Variants in PDCD11 observed in about 807,000 individuals in gnomAD.
PDCD11 encodes protein RRP5 homolog.
Under a neutral mutation model 198.9 loss-of-function variants are expected in PDCD11, and 97 were observed. The ratio of observed to expected loss-of-function variants is 0.49; its 90% CI spans 0.41 to 0.58. The LOEUF is 0.58. Ranked by LOEUF, PDCD11 falls within the 20% of genes least tolerant of loss-of-function variation. The probability of loss-of-function intolerance (pLI) is 0.00; values close to 1 mark genes in which losing one functional copy is unlikely to be tolerated. For missense variants in PDCD11, 2,102 were observed against 2,312.7 expected (o/e 0.91, Z 1.87); for synonymous variants, 893 against 918.0 (o/e 0.97, Z 0.49).
At chr10:103,406,861 C>A in intron 7 of PDCD11, 71 bp downstream of exon 7, 3 of 1,244,138 alleles carry the variant, frequency 2.4e-6, no homozygotes, top group Non-Finnish European at 3.3e-6. Context: ...TGCATAAAGT[C>A]TAAAACTACT....
Position 103,405,138 on chromosome 10 carries a change from A to C in PDCD11, c.519A>C (p.Lys173Asn). Reference sequence around the variant, plus strand: ...GTGTCAAGCTGTCTCTGAACCCCAAAAATGTCAACAGAGTGCTGAGTGCTG... The same window carrying C: ...GTGTCAAGCTGTCTCTGAACCCCAACAATGTCAACAGAGTGCTGAGTGCTG... ...KKSVKLSLNP[K>N]NVNRVLSAEA... is the part of the protein sequence containing the mutation. The change falls in exon 5 of 36, where the codon AAA becomes AAC. Residue 173 changes from lysine to asparagine, a missense_variant. Coordinates refer to ENST00000369797, the MANE Select transcript of PDCD11 (RefSeq NM_014976.2). 1 of 1,614,070 alleles carries C rather than the reference A, an allele frequency of 6.2e-7. No homozygotes were observed. The highest frequency in any genetic ancestry group is 8.5e-7 in the Non-Finnish European group (1 of 1,180,002).
chr10:103,434,376 CGGGGAA>C (rs2032062275), intron 24 of PDCD11, 26 bp downstream of exon 24: 1 of 1,432,590 alleles, frequency 7.0e-7, no homozygotes, highest in Admixed American at 1.7e-5. Context: ...AGTGCCTGGT[CGGGGAA>C]GGGGAGCGGC....
chr10:103,443,883 C>T, intron 33 of PDCD11, 32 bp from the exon 34 acceptor site: 2 of 1,608,868 alleles, frequency 1.2e-6, no homozygotes, highest in Non-Finnish European at 1.7e-6. Flanking sequence ...TAGTATCACA[C>T]TCTCCTCAGC....
rs1048621970 is a variant in PDCD11 at position 103,400,470 on chromosome 10, T to C, written c.176T>C (p.Ile59Thr). 7 of 1,613,480 alleles carry C rather than the reference T, an allele frequency of 4.3e-6. No homozygotes were observed. The African/African-American group carries it at 8.0e-5, about 18-fold the overall frequency. ...CCAGCAAAAACAAAAAAGTTGAAAA[T>C]CGAAAAGAGAGAAAGCAGCAAGTCC... ...KGPAKTKKLK[I>T]EKRESSKSAR... The change falls in exon 3 of 36, where the codon ATC (isoleucine) becomes ACC (threonine). Residue 59 changes from isoleucine to threonine, a missense_variant. Physicochemically the swap from Ile to Thr is moderately conservative, Grantham distance 89. Coordinates refer to ENST00000369797, the MANE Select transcript of PDCD11 (RefSeq NM_014976.2).
chr10:103,445,176 C>T (rs781648743), intron 35 of PDCD11, among the ~76,000 whole-genome samples: 4 of 152,164 alleles, frequency 2.6e-5, no homozygotes, highest in Non-Finnish European at 5.9e-5. Context: ...TCCATCTGCT[C>T]ATCTGGAAGA....
rs1344737252 is a variant in PDCD11, at chr10:103,421,368, GACCTCCACAAGTGACC to G, written c.2301_2316del (p.Ser768LeufsTer7). 7 of 1,608,702 alleles carry G rather than the reference GACCTCCACAAGTGACC, an allele frequency of 4.4e-6. No individual in the cohort carries two copies. The highest frequency in any genetic ancestry group is 5.9e-6 in the Non-Finnish European group (7 of 1,177,474). ...TTCAGATCATGAGTGACAAATTTGT[GACCTCCACAAGTGACC>G]ACTTTGTTGAGGGCCAGACAGTAGC... On this transcript the variant is annotated frameshift_variant, in exon 17 of 36. Coordinates refer to ENST00000369797, the MANE Select transcript of PDCD11 (RefSeq NM_014976.2). LOFTEE classifies it high-confidence loss of function.
chr10:103,434,980 G>A lies in PDCD11; in HGVS notation c.3845+5G>A. The A allele has an allele frequency of 5.3e-6, 8 of 1,523,566 alleles. No homozygotes were observed. Among genetic ancestry groups the A allele is most frequent in the Non-Finnish European group, 7.1e-6 (8 of 1,130,374 alleles). 94.4% of individuals were successfully genotyped at this position (1,523,566 alleles called of 1,614,324 possible). A position where few individuals can be genotyped will look rare whatever the true frequency, so the allele number is the denominator to read the frequency against. On this transcript the variant is annotated splice_donor_5th_base_variant and intron_variant, in intron 25 of 35. Transcript: ENST00000369797. ...CGTCCCCCAGAAGGTTGTCAGGTAA[G>A]CGAAGTGTTCTTCCTCTTTTCACCT...
At chr10:103,400,561 G>T in intron 3 of PDCD11, 33 bp downstream of exon 3, 1 of 1,588,260 alleles carries the variant, frequency 6.3e-7, no homozygotes, top group Non-Finnish European at 8.6e-7. Context: ...TTAAACAATC[G>T]ACCTTGGTTG....
In PDCD11 at chr10:103,421,382, A is replaced by C. The variant is rs1331798309; in HGVS notation, c.2312A>C (p.Asp771Ala). ...MSDKFVTSTS[D>A]HFVEGQTVAA... is the part of the protein sequence containing the mutation. ...GACAAATTTGTGACCTCCACAAGTG[A>C]CCACTTTGTTGAGGGCCAGACAGTA... Residue 771 changes from aspartate (D) to alanine (A), a missense_variant, in exon 17 of 36, where the codon GAC (aspartate) becomes GCC (alanine). Physicochemically the swap from Asp to Ala is moderately radical, Grantham distance 126. Coordinates refer to ENST00000369797, the MANE Select transcript of PDCD11 (RefSeq NM_014976.2). The C allele has an allele frequency of 6.2e-7, 1 of 1,609,960 alleles. No homozygotes were observed. Among genetic ancestry groups the C allele is most frequent in the South Asian group, 1.1e-5 (1 of 90,052 alleles).
chr10:103,421,998 A>G (rs868212862), intron 17 of PDCD11, among the ~76,000 whole-genome samples: 1 of 148,434 alleles, frequency 6.7e-6, no homozygotes, highest in Non-Finnish European at 1.5e-5. Flanking sequence ...AAAAAGAAAA[A>G]AAAAATTGGG....
intron 7 of PDCD11, among the ~76,000 whole-genome samples, chr10:103,409,359 T>C (rs1452339991): frequency 6.6e-6 from 1 of 151,618 alleles, no homozygotes; most frequent in East Asian, 1.9e-4. Flanking sequence ...TGGGAAAATA[T>C]CTAAGTTAGT....
Position 103,445,876 on chromosome 10 carries a change from T to G in PDCD11, c.*327T>G. The G allele has an allele frequency of 7.7e-6, 2 of 260,184 alleles. No homozygotes were observed. The highest frequency in any genetic ancestry group is 8.5e-5 in the East Asian group (1 of 11,830). The allele number at this position is 260,184 out of a possible 1,614,324, so 16.1% of individuals were successfully genotyped here. ...CTGGGGAGCAAGAGTAGAGGGGCTA[T>G]TCCCGAGGGTCCTGTGGTCAGGGTC... On this transcript the variant is annotated 3_prime_UTR_variant, in exon 36 of 36. Coordinates refer to ENST00000369797, the MANE Select transcript of PDCD11 (RefSeq NM_014976.2).
At chr10:103,418,680 T>C in intron 15 of PDCD11, 46 bp downstream of exon 15, 2 of 1,518,844 alleles carry the variant, frequency 1.3e-6, no homozygotes, top group Non-Finnish European at 1.8e-6. Context: ...TGGGGGGCCA[T>C]GGGTGCTTGG....
At position 103,425,541 on chromosome 10, in the gene PDCD11, G is replaced by C. The variant is rs976675392; in HGVS notation, c.3305+16G>C. On this transcript the variant is annotated intron_variant, in intron 20 of 35. Transcript: ENST00000369797. ...AGACATTCAAGTATGGAGGCTCTGGGGGTGGGCTGGCTTCGAGGGAGATTG... is the reference window on the plus strand; with the variant it reads ...AGACATTCAAGTATGGAGGCTCTGGCGGTGGGCTGGCTTCGAGGGAGATTG... 4 of 1,591,744 alleles carry C rather than the reference G, an allele frequency of 2.5e-6. No homozygotes were observed. The highest frequency in any genetic ancestry group is 3.4e-6 in the Non-Finnish European group (4 of 1,163,312).
intron 28 of PDCD11, 100 bp downstream of exon 28, chr10:103,439,968 G>C: frequency 2.8e-6 from 4 of 1,411,528 alleles, no homozygotes; most frequent in South Asian, 2.4e-5. Flanking sequence ...AAACATAATG[G>C]CTTGCGTAGT....
chr10:103,417,876 A>G lies in PDCD11; in HGVS notation c.1855A>G (p.Lys619Glu), dbSNP rs758751088. The G allele has an allele frequency of 6.2e-7, 1 of 1,614,234 alleles. No individual in the cohort carries two copies. Among genetic ancestry groups the G allele is most frequent in the Non-Finnish European group, 8.5e-7 (1 of 1,180,032 alleles). Residue 619 changes from lysine to glutamate, a missense_variant, in exon 14 of 36, where the codon AAG becomes GAG. Coordinates refer to ENST00000369797, the MANE Select transcript of PDCD11 (RefSeq NM_014976.2). ...CAAGCTGTCGAGTGATCCAGAGCCA[A>G]AGAAAGAGCCTGCAGGACACAGTCA... ...SFKLSSDPEP[K>E]KEPAGHSQKK...
At position 103,416,644 on chromosome 10, in the gene PDCD11, A is replaced by C; in HGVS notation, c.1672A>C (p.Ile558Leu). The C allele has an allele frequency of 5.0e-6, 8 of 1,614,244 alleles. No homozygotes were observed. The highest frequency in any genetic ancestry group is 6.8e-6 in the Non-Finnish European group (8 of 1,180,040). ...CATCAGGGTCAAGGACTATGGCTGC[A>C]TTGTGAAGTTCTACAACAATGTGCA... ...FIIRVKDYGC[I>L]VKFYNNVQGL... Residue 558 changes from isoleucine (I) to leucine (L), a missense_variant, in exon 13 of 36, where the codon ATT becomes CTT. By Grantham distance (5) the Ile-to-Leu change is conservative. Transcript: ENST00000369797.
chr10:103,404,637 CAA>C (rs1265902909), intron 4 of PDCD11, among the ~76,000 whole-genome samples: 2 of 152,154 alleles, frequency 1.3e-5, no homozygotes, highest in Admixed American at 1.3e-4. Context: ...AGATAGACTG[CAA>C]AACTGACCAC....
intron 7 of PDCD11, 40 bp from the exon 8 acceptor site, chr10:103,409,659 C>G: frequency 6.7e-7 from 1 of 1,481,832 alleles, no homozygotes; most frequent in South Asian, 1.1e-5. Flanking sequence ...CTGGTTCTTT[C>G]AAAGAACTTT....
Sources: allele counts gnomAD v4.1 joint callset (sites outside exome capture counted in the v4.1 genomes callset), GRCh38; gene constraint gnomAD v4.1.1; transcripts MANE v1.5; gene names NCBI Gene and HGNC (gene_info 2026-07-23, HGNC 2026-07-21).